Variants in SPSB1 observed in about 807,000 individuals in gnomAD.
SPSB1 encodes the protein SPRY domain-containing SOCS box protein 1.
A neutral mutation model predicts 21.2 loss-of-function variants in SPSB1; 8 were observed. The ratio of observed to expected loss-of-function variants is 0.38; its 90% CI spans 0.22 to 0.68. The LOEUF is 0.68. SPSB1 is among the 30% of genes least tolerant of loss of function. The pLI is 0.53. For missense variants in SPSB1, 242 were observed against 377.8 expected, an observed-to-expected ratio of 0.64 and a Z score of 2.98; for synonymous variants, 169 against 161.7, an observed-to-expected ratio of 1.05 and a Z score of -0.34.
intron 1 of SPSB1, among the ~76,000 whole-genome samples, chr1:9,294,829 T>G (rs1639191106): frequency 1.3e-5 from 2 of 152,102 alleles, no homozygotes; most frequent in Admixed American, 1.3e-4. Flanking sequence ...CCTGTCCCCC[T>G]CCTCAGACCC....
chr1:9,363,087 C>G lies in SPSB1; in HGVS notation c.695-4361C>G, dbSNP rs1413086850. ...ACTCCCTGGTACTGGTAGTGACCAG[C>G]TGAAATGGGGGCTGGGCATTTTTTC... On this transcript the variant is annotated intron_variant, in intron 2 of 2. Transcript: ENST00000328089. The surrounding 1 kb of genome is among the most constrained non-coding windows in gnomAD (Gnocchi z 4.5). Among the ~76,000 whole-genome samples the G allele has an allele frequency of 6.6e-6, 1 of 152,160 alleles. No homozygotes were observed. Among genetic ancestry groups the G allele is most frequent in the Non-Finnish European group, 1.5e-5 (1 of 68,024 alleles).
chr1:9,342,750 A>G (rs1249372147), intron 1 of SPSB1, among the ~76,000 whole-genome samples: 3 of 152,148 alleles, frequency 2.0e-5, no homozygotes, highest in Non-Finnish European at 4.4e-5. Flanking sequence ...AACTCCATCT[A>G]CAGGTGCTGT....
At chr1:9,362,428 A>AAC (rs1411469419) in intron 2 of SPSB1, among the ~76,000 whole-genome samples, 1 of 152,192 alleles carries the variant, frequency 6.6e-6, no homozygotes, top group Non-Finnish European at 1.5e-5. Flanking sequence ...TGTAGAGGAA[A>AAC]ACACACACAC....
Position 9,356,938 on chromosome 1 carries a change from TGATA to T in SPSB1, c.694+358_694+361del, listed in dbSNP as rs147199930. Among the ~76,000 whole-genome samples the T allele has an allele frequency of 0.027, 4,088 of 152,076 alleles. 182 individuals are homozygous for T. The highest frequency in any genetic ancestry group is 0.094 in the African/African-American group (3,889 of 41,422). ...TGAATTGATGGATGAATGTTTGGAT[TGATA>T]GATAAGTGGTTGAACAAACAGATGG... On this transcript the variant is annotated intron_variant, in intron 2 of 2. Coordinates refer to ENST00000328089, the MANE Select transcript of SPSB1 (RefSeq NM_025106.4). The surrounding 1 kb of genome is among the most constrained non-coding windows in gnomAD (Gnocchi z 7.4).
At chr1:9,352,033 A>C (rs1640267741) in intron 1 of SPSB1, among the ~76,000 whole-genome samples, 1 of 151,492 alleles carries the variant, frequency 6.6e-6, no homozygotes, top group Non-Finnish European at 1.5e-5. Flanking sequence ...CCTCCCACAG[A>C]CTCCCATCCC....
intron 1 of SPSB1, among the ~76,000 whole-genome samples, chr1:9,303,710 G>A (rs560937681): frequency 3.3e-5 from 5 of 152,292 alleles, no homozygotes; most frequent in Non-Finnish European, 7.4e-5. Flanking sequence ...GTAGTGTCAC[G>A]ATAGGTGGAA....
chr1:9,333,328 CTTTTTTTTTT>C (rs33924371), intron 1 of SPSB1, among the ~76,000 whole-genome samples: 1 of 126,518 alleles, frequency 7.9e-6, no homozygotes, highest in Admixed American at 8.1e-5. Context: ...TTGTCAGCTT[CTTTTTTTTTT>C]TTTTTTTTTT....
intron 2 of SPSB1, among the ~76,000 whole-genome samples, chr1:9,366,962 G>A (rs1013705700): frequency 1.3e-5 from 2 of 152,254 alleles, no homozygotes; most frequent in African/African-American, 4.8e-5. Flanking sequence ...AGTGCTGGGG[G>A]TGCGTGCCAG....
intron 1 of SPSB1, among the ~76,000 whole-genome samples, chr1:9,299,244 G>A (rs1360019628): frequency 1.3e-5 from 2 of 152,188 alleles, no homozygotes; most frequent in African/African-American, 2.4e-5. Context: ...TGGTAAGGCC[G>A]GCAATGCCCC....
chr1:9,339,654 G>C (rs766881176), intron 1 of SPSB1, among the ~76,000 whole-genome samples: 2 of 152,216 alleles, frequency 1.3e-5, no homozygotes, highest in Admixed American at 1.3e-4. Context: ...CCTGTCAGGG[G>C]CTTGGAAGGT....
intron 1 of SPSB1, among the ~76,000 whole-genome samples, chr1:9,337,292 A>C (rs551247510): frequency 6.6e-6 from 1 of 152,180 alleles, no homozygotes; most frequent in African/African-American, 2.4e-5. Context: ...GGAGGACAAG[A>C]GTTGGCCCTG....
At chr1:9,364,464 C>G (rs747109744) in intron 2 of SPSB1, among the ~76,000 whole-genome samples, 1 of 152,202 alleles carries the variant, frequency 6.6e-6, no homozygotes, top group African/African-American at 2.4e-5. Flanking sequence ...GGGATGTGCT[C>G]CAGGTCAGGC....
chr1:9,300,095 G>A (rs907966418), intron 1 of SPSB1, among the ~76,000 whole-genome samples: 5 of 152,116 alleles, frequency 3.3e-5, no homozygotes, highest in Admixed American at 2.0e-4. Flanking sequence ...TCAAGCGATG[G>A]GAAATAAATT....
intron 1 of SPSB1, among the ~76,000 whole-genome samples, chr1:9,302,974 G>A (rs1557444738): frequency 2.0e-5 from 3 of 152,160 alleles, no homozygotes; most frequent in Admixed American, 2.0e-4. Flanking sequence ...CCAGAGAGAG[G>A]AATGCTCCTA....
intron 1 of SPSB1, among the ~76,000 whole-genome samples, chr1:9,336,368 A>G (rs576201192): frequency 2.0e-5 from 3 of 152,026 alleles, no homozygotes; most frequent in Non-Finnish European, 4.4e-5. Context: ...CTGGGATTAC[A>G]GGCACGCACC....
At chr1:9,298,622 G>A (rs619928) in intron 1 of SPSB1, among the ~76,000 whole-genome samples, 66,528 of 151,990 alleles carry the variant, frequency 0.44, 15,248 homozygotes, top group African/African-American at 0.57. Context: ...TAGATTGTTC[G>A]GGGATAACTG....
chr1:9,299,796 AT>A (rs879808630), intron 1 of SPSB1, among the ~76,000 whole-genome samples: 247 of 145,520 alleles, frequency 1.7e-3, no homozygotes, highest in Middle Eastern at 3.5e-3. Flanking sequence ...ATCTCTATAA[AT>A]TTTTTTTTTT....
In SPSB1 at chr1:9,321,307, TCCTTACAGAGAAAGC is replaced by T. The variant is rs1231045325; in HGVS notation, c.-150+28239_-150+28253del. Among the ~76,000 whole-genome samples the T allele has an allele frequency of 2.8e-4, 43 of 152,228 alleles. No homozygotes were observed. The highest frequency in any genetic ancestry group is 9.9e-4 in the African/African-American group (41 of 41,526). On this transcript the variant is annotated intron_variant, in intron 1 of 2. Coordinates refer to ENST00000328089, the MANE Select transcript of SPSB1 (RefSeq NM_025106.4). This position sits in a 1 kb window ranked among gnomAD's most constrained non-coding sequence, Gnocchi z 4.8. ...GGCACATCCAGGGTGAAGGAAGAAC[TCCTTACAGAGAAAGC>T]CCGTGTGTGTGGTGGAGCTCTAGAC...
At chr1:9,323,486 G>A (rs1176898208) in intron 1 of SPSB1, among the ~76,000 whole-genome samples, 1 of 152,220 alleles carries the variant, frequency 6.6e-6, no homozygotes, top group Non-Finnish European at 1.5e-5. Context: ...TGACCTTGAA[G>A]GTCAGAAGTC....
Sources: allele counts gnomAD v4.1 joint callset (sites outside exome capture counted in the v4.1 genomes callset), GRCh38; gene constraint gnomAD v4.1.1; non-coding constraint Gnocchi (gnomAD v3.1); transcripts MANE v1.5; gene names NCBI Gene and HGNC (gene_info 2026-07-23, HGNC 2026-07-21).